PAXIP1: variants seen among roughly 807,000 people sequenced by gnomAD.
PAXIP1 encodes PAX-interacting protein 1.
A neutral mutation model predicts 140.6 loss-of-function variants in PAXIP1; 19 were observed. The observed-to-expected ratio is 0.14, with a 90% CI of 0.09 to 0.20. PAXIP1 has a LOEUF of 0.20. Ranked by LOEUF, PAXIP1 falls within the 10% of genes least tolerant of loss-of-function variation. The pLI is 1.00. For missense variants in PAXIP1, 920 were observed against 1,208.6 expected (o/e 0.76, Z 3.54); for synonymous variants, 442 against 444.6 (o/e 0.99, Z 0.07).
chr7:154,976,938 G>A (rs1285324263), intron 5 of PAXIP1, among the ~76,000 whole-genome samples: 6 of 152,282 alleles, frequency 3.9e-5, no homozygotes, highest in African/African-American at 7.2e-5. Context: ...TATTAAATAC[G>A]GAATGCAAAT....
chr7:154,952,104 T>A (rs1808295416), intron 16 of PAXIP1: 1 of 152,236 alleles, frequency 6.6e-6, no homozygotes, highest in Non-Finnish European at 1.5e-5. Flanking sequence ...TCTTCTGCCT[T>A]CATTGTTAAG....
At chr7:154,991,687 G>A (rs1810337949) in intron 3 of PAXIP1, among the ~76,000 whole-genome samples, 1 of 152,156 alleles carries the variant, frequency 6.6e-6, no homozygotes, top group African/African-American at 2.4e-5. Context: ...TGATTAATGA[G>A]CACTTACTAC....
rs1809926191 is a variant in PAXIP1, at chr7:154,983,299, A to C, written c.358T>G (p.Leu120Val). ...SSEDRSALWALVTFYGGDCQL... is the reference protein window; with the variant it reads ...SSEDRSALWAVVTFYGGDCQL... Reference sequence around the variant, plus strand: ...CAATCTCCCCCATAGAACGTAACCAAAGCCCACAGGGCACTTCTGTCTTCA... The same window carrying C: ...CAATCTCCCCCATAGAACGTAACCACAGCCCACAGGGCACTTCTGTCTTCA... Residue 120 changes from leucine to valine, a missense_variant, in exon 5 of 21, where the codon TTG (leucine) becomes GTG (valine). Transcript: ENST00000404141. 1.2e-6 allele frequency: 2 copies of C among 1,610,980 alleles called. No homozygotes were observed. Among genetic ancestry groups the C allele is most frequent in the East Asian group, 4.5e-5 (2 of 44,838 alleles).
intron 7 of PAXIP1, 85 bp downstream of exon 7, chr7:154,968,318 C>T (rs955554245): frequency 1.8e-6 from 2 of 1,119,446 alleles, no homozygotes. Context: ...TGATATGAAT[C>T]CTCACCCCAC....
intron 5 of PAXIP1, among the ~76,000 whole-genome samples, chr7:154,982,025 T>C (rs1052126989): frequency 5.3e-5 from 8 of 152,190 alleles, no homozygotes; most frequent in African/African-American, 1.7e-4. Context: ...TAAATTGTCA[T>C]TCTAAATCAG....
In PAXIP1 at chr7:154,973,219, A is replaced by G. The variant is rs1345793823; in HGVS notation, c.1074+2477T>C. On this transcript the variant is annotated intron_variant, in intron 6 of 20. Transcript: ENST00000404141. The surrounding 1 kb of genome is among the most constrained non-coding windows in gnomAD (Gnocchi z 4.0). ...CCATTTCCTCAGCCACACATTCCCA[A>G]CCACCCCCAAGACCCATGGTCAGTG... Among the ~76,000 whole-genome samples the G allele has an allele frequency of 1.3e-5, 2 of 151,342 alleles. No homozygotes were observed. Among genetic ancestry groups the G allele is most frequent in the African/African-American group, 4.9e-5 (2 of 41,144 alleles).
At chr7:155,002,819 A>G in intron 1 of PAXIP1, 30 bp downstream of exon 1, 5 of 1,285,530 alleles carry the variant, frequency 3.9e-6, no homozygotes, top group South Asian at 1.5e-5. Flanking sequence ...CGGACGGGGG[A>G]GGAGGCCGCG....
At chr7:154,998,526 A>T in intron 2 of PAXIP1, 124 bp downstream of exon 2, 1 of 540,932 alleles carries the variant, frequency 1.8e-6, no homozygotes, top group Non-Finnish European at 2.9e-6. Flanking sequence ...AAATAAATAA[A>T]AAATAAAAAT....
At chr7:154,962,639 A>C in intron 9 of PAXIP1, 181 bp from the exon 10 acceptor site, 1 of 524,696 alleles carries the variant, frequency 1.9e-6, no homozygotes, top group Admixed American at 3.3e-5. Flanking sequence ...CTTGAAATAC[A>C]ACCTAAAAAT....
chr7:154,955,061 T>C (rs1808446786), intron 15 of PAXIP1, among the ~76,000 whole-genome samples: 1 of 152,210 alleles, frequency 6.6e-6, no homozygotes, highest in African/African-American at 2.4e-5. Flanking sequence ...CCCATCATCC[T>C]TTGGGATGTT....
At chr7:154,977,401 T>C (rs1448951532) in intron 5 of PAXIP1, among the ~76,000 whole-genome samples, 1 of 152,108 alleles carries the variant, frequency 6.6e-6, no homozygotes, top group African/African-American at 2.4e-5. Flanking sequence ...AAGGTGGCAT[T>C]TGCAATTTCT....
At chr7:154,955,913 AT>A (rs1808489483) in intron 14 of PAXIP1, among the ~76,000 whole-genome samples, 2 of 152,162 alleles carry the variant, frequency 1.3e-5, no homozygotes, top group African/African-American at 2.4e-5. Flanking sequence ...CTCCTGATTA[AT>A]TTTTTTAATT....
intron 5 of PAXIP1, among the ~76,000 whole-genome samples, chr7:154,978,227 G>T (rs953311601): frequency 6.6e-6 from 1 of 152,222 alleles, no homozygotes; most frequent in African/African-American, 2.4e-5. Context: ...CGGTTGCACA[G>T]CTGTGTACCT....
chr7:154,990,923 G>T, intron 4 of PAXIP1, 83 bp downstream of exon 4: 1 of 747,282 alleles, frequency 1.3e-6, no homozygotes, highest in Non-Finnish European at 2.2e-6. Flanking sequence ...TCTAAAACTG[G>T]TTAACAGGTC....
chr7:154,988,968 A>G (rs1810199635), intron 4 of PAXIP1, among the ~76,000 whole-genome samples: 1 of 152,184 alleles, frequency 6.6e-6, no homozygotes, highest in Non-Finnish European at 1.5e-5. Context: ...TAACCATAGC[A>G]CCCAGCATTT....
At chr7:154,958,587 A>G (rs2150748183) in intron 13 of PAXIP1, among the ~76,000 whole-genome samples, 1 of 152,352 alleles carries the variant, frequency 6.6e-6, no homozygotes, top group South Asian at 2.1e-4. Flanking sequence ...TAAGAAAGCA[A>G]TTTCTCAACT....
chr7:154,992,585 ACT>A (rs1810392461), intron 3 of PAXIP1, among the ~76,000 whole-genome samples: 3 of 148,778 alleles, frequency 2.0e-5, no homozygotes, highest in Non-Finnish European at 3.0e-5. Context: ...ACAGAGCAAG[ACT>A]CTGTCTCAAA....
intron 6 of PAXIP1, chr7:154,974,613 C>T (rs114250574): frequency 1.1e-4 from 16 of 152,318 alleles, no homozygotes; most frequent in African/African-American, 3.9e-4. Context: ...TCTTGACCAT[C>T]TCGTCTAAAA....
At chr7:154,948,311 C>T (rs1448013540) in intron 16 of PAXIP1, 4 of 279,816 alleles carry the variant, frequency 1.4e-5, no homozygotes, top group Non-Finnish European at 1.4e-5. Context: ...TTTGGGAAGC[C>T]GGGGAAGGAA....
Sources: gnomAD v4.1 joint callset for allele counts (sites outside exome capture counted in the v4.1 genomes callset) on GRCh38, gnomAD v4.1.1 for gene constraint, Gnocchi (gnomAD v3.1) non-coding constraint, MANE v1.5 for transcripts, NCBI Gene and HGNC (gene_info 2026-07-23, HGNC 2026-07-21) for gene names.